The following ALDH7A1 variants were observed in gnomAD, a reference collection of about 807,000 sequenced individuals.
ALDH7A1 encodes the protein aldehyde dehydrogenase 7 family member A1.
Under a neutral mutation model 79.9 loss-of-function variants are expected in ALDH7A1, and 63 were observed. The ratio of observed to expected loss-of-function variants is 0.79; its 90% CI spans 0.64 to 0.97. The LOEUF (loss-of-function observed/expected upper bound fraction) is 0.97. Among genes scored for constraint, ALDH7A1 ranks in the 50% least tolerant of loss-of-function variants. The pLI, the probability that ALDH7A1 is intolerant of heterozygous loss-of-function variation, is 0.00. For missense variants in ALDH7A1, 627 were observed against 665.2 expected (o/e 0.94, Z 0.63); for synonymous variants, 240 against 231.2 (o/e 1.04, Z -0.34).
intron 3 of ALDH7A1, among the ~76,000 whole-genome samples, chr5:126,590,959 C>T (rs1394578781): frequency 1.3e-5 from 2 of 150,322 alleles, no homozygotes; most frequent in African/African-American, 2.4e-5. Flanking sequence ...ATTTTATACA[C>T]ACCATGTATA....
chr5:126,582,755 TTC>T, intron 5 of ALDH7A1, 94 bp downstream of exon 5: 1 of 1,434,958 alleles, frequency 7.0e-7, no homozygotes, highest in Non-Finnish European at 9.7e-7. Context: ...CACTTGAAAT[TTC>T]TCTTTTGCAC....
intron 11 of ALDH7A1, 69 bp downstream of exon 11, chr5:126,559,171 T>A: frequency 7.4e-7 from 1 of 1,355,002 alleles, no homozygotes; most frequent in Non-Finnish European, 1.1e-6. Flanking sequence ...GACACCTCTC[T>A]AACAGCAGAA....
At chr5:126,583,424 T>C (rs1370857655) in intron 4 of ALDH7A1, among the ~76,000 whole-genome samples, 1 of 151,588 alleles carries the variant, frequency 6.6e-6, no homozygotes, top group African/African-American at 2.4e-5. Flanking sequence ...GAGGTTGCAG[T>C]GAGCCAAGAT....
At chr5:126,563,931 G>C (rs1750486864) in intron 9 of ALDH7A1, among the ~76,000 whole-genome samples, 1 of 150,914 alleles carries the variant, frequency 6.6e-6, no homozygotes, top group Non-Finnish European at 1.5e-5. Flanking sequence ...CATACAACAA[G>C]CACGTGTCAC....
At chr5:126,577,793 T>A (rs1375385565) in intron 5 of ALDH7A1, among the ~76,000 whole-genome samples, 4 of 151,746 alleles carry the variant, frequency 2.6e-5, no homozygotes, top group African/African-American at 9.7e-5. Flanking sequence ...CTCAAACTCC[T>A]GACCTCAAGT....
intron 8 of ALDH7A1, chr5:126,568,982 T>C (rs1051947672): frequency 1.3e-5 from 2 of 154,010 alleles, no homozygotes; most frequent in Non-Finnish European, 2.9e-5. Flanking sequence ...TGTAGGGAAA[T>C]ATCCTAAAGC....
rs796052271 is a variant in ALDH7A1 at position 126,552,057 on chromosome 5, C to A, written c.1281G>T (p.Glu427Asp). Residue 427 changes from glutamate (E) to aspartate (D), a missense_variant, in exon 14 of 18, where the codon GAG becomes GAT. Coordinates refer to ENST00000409134, the MANE Select transcript of ALDH7A1 (RefSeq NM_001182.5). ...LGHDASIAHT[E>D]TFAPILYVFK... is the part of the protein sequence containing the mutation. ...AGACATAGAGAATCGGAGCAAAAGT[C>A]TCTGTGTGTGCAATGGACGCATCGT... The A allele has an allele frequency of 6.2e-7, 1 of 1,613,854 alleles. No homozygotes were observed. The highest frequency in any genetic ancestry group is 8.5e-7 in the Non-Finnish European group (1 of 1,179,902).
intron 1 of ALDH7A1, 56 bp from the exon 2 acceptor site, chr5:126,593,460 G>C (rs1014568670): frequency 1.9e-6 from 3 of 1,609,458 alleles, no homozygotes; most frequent in East Asian, 4.5e-5. Context: ...TTTGAAGTAA[G>C]GGAATAGACC....
chr5:126,580,488 AT>A (rs1751136680), intron 5 of ALDH7A1, among the ~76,000 whole-genome samples: 1 of 152,172 alleles, frequency 6.6e-6, no homozygotes, highest in South Asian at 2.1e-4. Flanking sequence ...TAGATATCTA[AT>A]TAAGGACATT....
chr5:126,593,613 A>G lies in ALDH7A1; in HGVS notation c.193-209T>C, dbSNP rs1043034675. 5.8e-6 allele frequency: 4 copies of G among 692,750 alleles called. No homozygotes were observed. In the Admixed American group the frequency reaches 1.1e-4, roughly 19 times the overall value. 42.9% of individuals were successfully genotyped at this position (692,750 alleles called of 1,614,324 possible). A position where few individuals can be genotyped will look rare whatever the true frequency, so the allele number is the denominator to read the frequency against. Reference sequence around the variant, plus strand: ...AAACATTAGAAACTACCTTTCTGCAAAACTCGCCTCTGACATCTCAATATT... The same window carrying G: ...AAACATTAGAAACTACCTTTCTGCAGAACTCGCCTCTGACATCTCAATATT... On this transcript the variant is annotated intron_variant, in intron 1 of 17. Transcript: ENST00000409134.
At chr5:126,546,034 G>C (rs758573399) in intron 17 of ALDH7A1, among the ~76,000 whole-genome samples, 7 of 152,128 alleles carry the variant, frequency 4.6e-5, no homozygotes, top group Non-Finnish European at 1.0e-4. Flanking sequence ...GATCACCTGA[G>C]GTCGGGAGTT....
At chr5:126,571,146 G>C in intron 7 of ALDH7A1, 1 of 251,352 alleles carries the variant, frequency 4.0e-6, no homozygotes. Context: ...AAAACTATTA[G>C]CAGATTTTTT....
intron 8 of ALDH7A1, chr5:126,570,394 G>T (rs1183583389): frequency 9.7e-6 from 2 of 205,142 alleles, no homozygotes; most frequent in Admixed American, 1.1e-4. Context: ...TTTTCAGTCA[G>T]CTGAGAAACT....
intron 3 of ALDH7A1, among the ~76,000 whole-genome samples, chr5:126,589,448 G>C (rs1246040284): frequency 6.6e-6 from 1 of 151,980 alleles, no homozygotes; most frequent in Non-Finnish European, 1.5e-5. Context: ...GAGCCATCGT[G>C]CCTGGTCTAT....
At chr5:126,579,992 T>C (rs1751116848) in intron 5 of ALDH7A1, 1 of 162,962 alleles carries the variant, frequency 6.1e-6, no homozygotes. Context: ...TTGAGAAAAA[T>C]TTTAATTGTT....
intron 3 of ALDH7A1, among the ~76,000 whole-genome samples, chr5:126,585,254 C>T (rs976603460): frequency 6.6e-6 from 1 of 152,242 alleles, no homozygotes. Flanking sequence ...GCTGAGATCC[C>T]GCCATTGCAC....
At chr5:126,584,230 GCAACAAATAATTACAAATTGC>G (rs1347541597) in intron 3 of ALDH7A1, 5 of 530,340 alleles carry the variant, frequency 9.4e-6, no homozygotes, top group African/African-American at 3.8e-5. Flanking sequence ...AGAAGAAAAG[GCAACAAATAATTACAAATTGC>G]CAACAAATAA....
At chr5:126,579,023 T>A (rs1343313134) in intron 5 of ALDH7A1, among the ~76,000 whole-genome samples, 1 of 141,766 alleles carries the variant, frequency 7.1e-6, no homozygotes, top group Non-Finnish European at 1.5e-5. Flanking sequence ...AGGGCCTGCC[T>A]CCTCCTCTCC....
At chr5:126,583,228 C>G (rs1158575645) in intron 4 of ALDH7A1, among the ~76,000 whole-genome samples, 1 of 152,180 alleles carries the variant, frequency 6.6e-6, no homozygotes, top group Non-Finnish European at 1.5e-5. Context: ...TGCCTATAAT[C>G]CCAGCACTTT....
Sources: allele counts gnomAD v4.1 joint callset (sites outside exome capture counted in the v4.1 genomes callset), GRCh38; gene constraint gnomAD v4.1.1; transcripts MANE v1.5; gene names NCBI Gene and HGNC (gene_info 2026-07-23, HGNC 2026-07-21).